The following RTN3 variants were observed in gnomAD, a reference collection of about 807,000 sequenced individuals.
RTN3 encodes reticulon 3, also known as reticulon-3.
In RTN3, 49 loss-of-function variants were observed where a neutral mutation model predicts 77.8. The observed-to-expected ratio is 0.63, with a 90% CI of 0.50 to 0.80. The LOEUF (loss-of-function observed/expected upper bound fraction) is 0.80. RTN3 is among the 30% of genes least tolerant of loss of function. The pLI, the probability that RTN3 is intolerant of heterozygous loss-of-function variation, is 0.00. For synonymous variants in RTN3, 464 were observed against 446.9 expected (o/e 1.04, Z -0.48); for missense variants, 1,236 against 1,211.9 (o/e 1.02, Z -0.29).
chr11:63,686,133 A>G (rs529338281), intron 1 of RTN3, among the ~76,000 whole-genome samples: 5 of 152,186 alleles, frequency 3.3e-5, no homozygotes, highest in African/African-American at 1.2e-4. Context: ...TATCATCTGA[A>G]CTTTAAAAGT....
chr11:63,710,127 G>A (rs563466963), intron 2 of RTN3, among the ~76,000 whole-genome samples: 1 of 152,316 alleles, frequency 6.6e-6, no homozygotes, highest in South Asian at 2.1e-4. Context: ...TGGGGAAAAA[G>A]AAGCAGAATA....
chr11:63,741,239 G>T (rs2013456584), intron 3 of RTN3, among the ~76,000 whole-genome samples: 1 of 146,584 alleles, frequency 6.8e-6, no homozygotes, highest in Non-Finnish European at 1.5e-5. Flanking sequence ...TTTCGCTCTT[G>T]TCGCCCAGGC....
intron 2 of RTN3, 110 bp from the exon 3 acceptor site, chr11:63,718,590 GTA>G (rs1234675831): frequency 1.5e-5 from 10 of 660,678 alleles, no homozygotes; most frequent in African/African-American, 1.8e-5. Context: ...TCCTGTGTGT[GTA>G]TATATATATT....
intron 3 of RTN3, among the ~76,000 whole-genome samples, chr11:63,746,368 A>G (rs2013793701): frequency 1.3e-5 from 2 of 152,156 alleles, no homozygotes; most frequent in Non-Finnish European, 2.9e-5. Flanking sequence ...CTCAGTATAG[A>G]TAGATGTTTT....
At chr11:63,683,829 A>G (rs1026346920) in intron 1 of RTN3, among the ~76,000 whole-genome samples, 2 of 151,750 alleles carry the variant, frequency 1.3e-5, no homozygotes, top group Non-Finnish European at 2.9e-5. Context: ...TGTCGAAAGT[A>G]GTAGAATTAT....
chr11:63,750,732 T>C (rs2014058125), intron 4 of RTN3, among the ~76,000 whole-genome samples: 1 of 147,038 alleles, frequency 6.8e-6, no homozygotes, highest in Non-Finnish European at 1.5e-5. Context: ...TTTTTTTGTT[T>C]TTTGTTTGTG....
chr11:63,694,245 C>T (rs995958399), intron 1 of RTN3, among the ~76,000 whole-genome samples: 15 of 151,610 alleles, frequency 9.9e-5, no homozygotes, highest in African/African-American at 2.4e-4. Flanking sequence ...GGCGTGATCT[C>T]GGCTCACTGC....
intron 1 of RTN3, among the ~76,000 whole-genome samples, chr11:63,682,637 G>A (rs1027353429): frequency 6.7e-6 from 1 of 149,886 alleles, no homozygotes; most frequent in Non-Finnish European, 1.5e-5. Flanking sequence ...AAAGGGGGGT[G>A]TTTATTGCAG....
rs756097399 is a variant in RTN3, at chr11:63,702,553, A to T, written c.143-2298A>T. Among the ~76,000 whole-genome samples the T allele has an allele frequency of 1.0e-3, 152 of 151,602 alleles. 1 individual carries two copies. Among genetic ancestry groups the T allele is most frequent in the Non-Finnish European group, 2.8e-4 (19 of 67,940 alleles). ...CTGGTCTTGAACTCCTGACCTCATG[A>T]TCCATCTGCCTCCACCTCCCAAAGT... On this transcript the variant is annotated intron_variant, in intron 1 of 8. Coordinates refer to ENST00000377819, the MANE Select transcript of RTN3 (RefSeq NM_001265589.2).
At chr11:63,746,717 T>C (rs2013818819) in intron 3 of RTN3, among the ~76,000 whole-genome samples, 1 of 152,272 alleles carries the variant, frequency 6.6e-6, no homozygotes, top group East Asian at 1.9e-4. Flanking sequence ...GGTTTCACGA[T>C]GTTAGCCAGG....
At position 63,720,656 on chromosome 11, in the gene RTN3, T is replaced by C. The variant is rs1023680881; in HGVS notation, c.2154T>C (p.Asn718=). The C allele has an allele frequency of 2.5e-6, 4 of 1,613,794 alleles. No homozygotes were observed. The highest frequency in any genetic ancestry group is 2.7e-5 in the African/African-American group (2 of 74,842). Residue 718 remains asparagine (N), a synonymous_variant, in exon 3 of 9, where the codon AAT becomes AAC. Transcript: ENST00000377819. ...SKYSEQSKET[N]GSEPLGVFPT... ...ACAGTGAACAAAGCAAAGAAACAAA[T>C]GGAAGTGAGCCTCTAGGTGTTTTCC...
rs2014009328 is a variant in RTN3 at position 63,749,900 on chromosome 11, T to A, written c.2531-91T>A. On this transcript the variant is annotated intron_variant, in intron 3 of 8. Transcript: ENST00000377819. ...ATTATCTTAAAGTGGGGCATACCTG[T>A]ATTTGTGTGCTAATGTGAGGCTCCA... 1.4e-5 allele frequency: 13 copies of A among 902,926 alleles called. No homozygotes were observed. The South Asian group carries it at 2.0e-4, about 14-fold the overall frequency. 55.9% of individuals were successfully genotyped at this position (902,926 alleles called of 1,614,324 possible).
intron 1 of RTN3, among the ~76,000 whole-genome samples, chr11:63,703,369 T>A (rs562130456): frequency 2.0e-5 from 3 of 152,056 alleles, no homozygotes; most frequent in Admixed American, 2.0e-4. Flanking sequence ...TGGCAGCAAG[T>A]GTTTCATAGT....
At chr11:63,729,959 ATT>A (rs2012574626) in intron 3 of RTN3, among the ~76,000 whole-genome samples, 1 of 150,788 alleles carries the variant, frequency 6.6e-6, no homozygotes, top group Non-Finnish European at 1.5e-5. Flanking sequence ...TAGTTTTTAA[ATT>A]AATTTTATTT....
chr11:63,701,055 C>T (rs1195059279), intron 1 of RTN3, among the ~76,000 whole-genome samples: 1 of 150,534 alleles, frequency 6.6e-6, no homozygotes, highest in Non-Finnish European at 1.5e-5. Context: ...GCGCCACTGC[C>T]CTCCATCCTG....
At chr11:63,705,990 A>G (rs1017469420) in intron 2 of RTN3, among the ~76,000 whole-genome samples, 4 of 152,258 alleles carry the variant, frequency 2.6e-5, no homozygotes, top group Non-Finnish European at 5.9e-5. Flanking sequence ...GGAAAAAGTA[A>G]TTAAAATCAC....
intron 1 of RTN3, among the ~76,000 whole-genome samples, chr11:63,688,426 G>C (rs1165050247): frequency 6.6e-6 from 1 of 152,252 alleles, no homozygotes; most frequent in East Asian, 1.9e-4. Context: ...GTTTCACCAT[G>C]TTAGCCAGGA....
rs961119625 is a variant in RTN3, at chr11:63,757,322, A to AT, written c.3054-826dup. On this transcript the variant is annotated intron_variant, in intron 8 of 8. Coordinates refer to ENST00000377819, the MANE Select transcript of RTN3 (RefSeq NM_001265589.2). The stretch of plus-strand genomic sequence containing the variant: ...TTTTTCCCCATACCTAGAGGACAGT[A>AT]TTTTTTTTCTTTTTTCTTTTTTCTT... 4.6e-5 allele frequency among the ~76,000 whole-genome samples: 7 copies of AT among 151,692 alleles called. No homozygotes were observed. In the South Asian group the frequency reaches 8.3e-4, roughly 18 times the overall value.
At chr11:63,755,707 C>G (rs999781279) in intron 7 of RTN3, among the ~76,000 whole-genome samples, 1 of 147,678 alleles carries the variant, frequency 6.8e-6, no homozygotes, top group Non-Finnish European at 1.5e-5. Context: ...TGCCTGTAAT[C>G]CCAGCACTTT....
Sources: allele counts gnomAD v4.1 joint callset (sites outside exome capture counted in the v4.1 genomes callset), GRCh38; gene constraint gnomAD v4.1.1; transcripts MANE v1.5; gene names NCBI Gene and HGNC (gene_info 2026-07-23, HGNC 2026-07-21).